KSR2: variants seen among roughly 807,000 people sequenced by gnomAD.
KSR2 encodes kinase suppressor of ras 2.
KSR2 carries 25 observed loss-of-function variants against 107.8 expected under a neutral mutation model. The observed-to-expected ratio is 0.23, with a 90% CI of 0.17 to 0.32. The LOEUF (loss-of-function observed/expected upper bound fraction) is 0.32. KSR2 is among the 10% of genes least tolerant of loss of function. The probability of loss-of-function intolerance (pLI) is 1.00; values close to 1 mark genes in which losing one functional copy is unlikely to be tolerated. For synonymous variants in KSR2, 480 were observed against 507.0 expected (o/e 0.95, Z 0.71); for missense variants, 887 against 1,268.9 (o/e 0.70, Z 4.57).
intron 4 of KSR2, among the ~76,000 whole-genome samples, chr12:117,757,599 A>G: frequency 6.6e-6 from 1 of 152,242 alleles, no homozygotes; most frequent in East Asian, 1.9e-4. Flanking sequence ...GTATTTTAAG[A>G]AATTGTCACA....
chr12:117,931,903 C>T (rs775313470), intron 1 of KSR2, among the ~76,000 whole-genome samples: 7 of 152,284 alleles, frequency 4.6e-5, no homozygotes, highest in Non-Finnish European at 7.3e-5. Flanking sequence ...AGGTAAACAT[C>T]CTATTTTTAC....
At position 117,777,538 on chromosome 12, in the gene KSR2, T is replaced by C. The variant is rs537677660; in HGVS notation, c.473-16014A>G. Reference sequence around the variant, plus strand: ...TCAAAGTTTTTTACCACTCTGCAAATGCAAGTATTGATTTAAGGGTTACAA... The same window carrying C: ...TCAAAGTTTTTTACCACTCTGCAAACGCAAGTATTGATTTAAGGGTTACAA... On this transcript the variant is annotated intron_variant, in intron 3 of 19. Transcript: ENST00000339824. 5.9e-5 allele frequency among the ~76,000 whole-genome samples: 9 copies of C among 152,310 alleles called. No individual in the cohort carries two copies. In the East Asian group the frequency reaches 1.2e-3, roughly 20 times the overall value.
chr12:117,683,695 C>T (rs914202901), intron 4 of KSR2, among the ~76,000 whole-genome samples: 1 of 152,138 alleles, frequency 6.6e-6, no homozygotes, highest in Admixed American at 6.5e-5. Flanking sequence ...CAAAATGTCC[C>T]TTAAATACAT....
intron 3 of KSR2, among the ~76,000 whole-genome samples, chr12:117,850,334 G>A (rs1188816935): frequency 1.3e-5 from 2 of 152,154 alleles, no homozygotes. Context: ...GCTTTGCACT[G>A]GGCCTGGGGA....
chr12:117,614,684 T>C (rs751471326), intron 5 of KSR2, among the ~76,000 whole-genome samples: 1 of 152,246 alleles, frequency 6.6e-6, no homozygotes, highest in South Asian at 2.1e-4. Context: ...TGCATTCAGC[T>C]GTGGAAACTT....
intron 14 of KSR2, among the ~76,000 whole-genome samples, chr12:117,488,508 C>A (rs375121954): frequency 9.9e-5 from 15 of 152,026 alleles, no homozygotes; most frequent in Non-Finnish European, 1.5e-5. Context: ...GTCATGAGAG[C>A]GGAGCCTCAT....
At chr12:117,471,061 T>C in intron 18 of KSR2, 130 bp downstream of exon 18, 1 of 1,106,404 alleles carries the variant, frequency 9.0e-7, no homozygotes, top group Non-Finnish European at 1.2e-6. Flanking sequence ...TCTGACAAGG[T>C]TGGAATGCAT....
At chr12:117,733,460 C>G (rs1887810730) in intron 4 of KSR2, among the ~76,000 whole-genome samples, 1 of 152,200 alleles carries the variant, frequency 6.6e-6, no homozygotes, top group Non-Finnish European at 1.5e-5. Flanking sequence ...CAGGCCAAAT[C>G]TGGCCCACTA....
chr12:117,832,011 G>A (rs1891989528), intron 3 of KSR2, among the ~76,000 whole-genome samples: 1 of 152,218 alleles, frequency 6.6e-6, no homozygotes, highest in Non-Finnish European at 1.5e-5. Context: ...GTGGCCGGGT[G>A]CAGTGGCTCA....
intron 14 of KSR2, among the ~76,000 whole-genome samples, chr12:117,492,401 G>T (rs537579943): frequency 7.5e-6 from 1 of 132,972 alleles, no homozygotes; most frequent in African/African-American, 3.4e-5. Flanking sequence ...TCCTCCAAAC[G>T]CTTCAGCACC....
chr12:117,574,857 T>A lies in KSR2; in HGVS notation c.1325+4262A>T, dbSNP rs113571800. ...AGTCCAATCCCTGTCACCCAGGGAG[T>A]TTCTGGCAGTAACAGAACTGGATTT... On this transcript the variant is annotated intron_variant, in intron 7 of 19. Coordinates refer to ENST00000339824, the MANE Select transcript of KSR2 (RefSeq NM_173598.6). Among the ~76,000 whole-genome samples, 184 of 147,782 alleles carry A rather than the reference T, an allele frequency of 1.2e-3. 1 individual carries two copies. The highest frequency in any genetic ancestry group is 4.2e-3 in the African/African-American group (167 of 39,480).
intron 3 of KSR2, among the ~76,000 whole-genome samples, chr12:117,829,697 C>T (rs918332202): frequency 4.6e-5 from 7 of 152,198 alleles, no homozygotes; most frequent in Non-Finnish European, 8.8e-5. Context: ...ATGGACCACA[C>T]GGTCTCTGTT....
At chr12:117,624,898 T>A (rs1339965648) in intron 5 of KSR2, among the ~76,000 whole-genome samples, 1 of 152,188 alleles carries the variant, frequency 6.6e-6, no homozygotes, top group Non-Finnish European at 1.5e-5. Flanking sequence ...GGTTTATAGT[T>A]CTCCTTGAAG....
At chr12:117,663,570 C>T (rs762900650) in intron 5 of KSR2, among the ~76,000 whole-genome samples, 4 of 152,332 alleles carry the variant, frequency 2.6e-5, no homozygotes, top group East Asian at 3.9e-4. Flanking sequence ...CCAGTCCCCA[C>T]GCTAGGGAAT....
At chr12:117,936,533 T>TAGTAGTAGTAGTAGTAG (rs1555258978) in intron 1 of KSR2, among the ~76,000 whole-genome samples, 2 of 119,658 alleles carry the variant, frequency 1.7e-5, no homozygotes, top group Non-Finnish European at 3.5e-5. Context: ...ATTATTATTA[T>TAGTAGTAGTAGTAGTAG]TAGTAGTAGT....
intron 1 of KSR2, among the ~76,000 whole-genome samples, chr12:117,949,512 C>T (rs1896297033): frequency 6.6e-6 from 1 of 152,116 alleles, no homozygotes; most frequent in South Asian, 2.1e-4. Context: ...CAGGGGTTAA[C>T]AGTAGAAATA....
At chr12:117,482,037 T>C (rs888913109) in intron 16 of KSR2, among the ~76,000 whole-genome samples, 3 of 152,164 alleles carry the variant, frequency 2.0e-5, no homozygotes, top group Non-Finnish European at 2.9e-5. Context: ...CTGGGATTCA[T>C]GGGACACCCC....
intron 4 of KSR2, among the ~76,000 whole-genome samples, chr12:117,749,413 C>T (rs1422440819): frequency 6.6e-6 from 1 of 152,030 alleles, no homozygotes; most frequent in Non-Finnish European, 1.5e-5. Flanking sequence ...AAACTCTCAA[C>T]TCCTTGAAAA....
rs901972909 is a variant in KSR2 at position 117,784,892 on chromosome 12, A to G, written c.473-23368T>C. 1.5e-4 allele frequency among the ~76,000 whole-genome samples: 23 copies of G among 152,328 alleles called. 1 individual carries two copies. The highest frequency in any genetic ancestry group is 1.2e-3 in the Admixed American group (18 of 15,302). On this transcript the variant is annotated intron_variant, in intron 3 of 19. Transcript: ENST00000339824. ...TAAGAAGCATGGCAAAGGCTTTAGG[A>G]ACTCAACTGGCATTGGAGCACCACC...
Sources: gnomAD v4.1 joint callset for allele counts (sites outside exome capture counted in the v4.1 genomes callset) on GRCh38, gnomAD v4.1.1 for gene constraint, MANE v1.5 for transcripts, NCBI Gene and HGNC (gene_info 2026-07-23, HGNC 2026-07-21) for gene names.